The following NID1 variants were observed in gnomAD, a reference collection of about 807,000 sequenced individuals.
NID1 encodes the protein nidogen-1.
A neutral mutation model predicts 130.6 loss-of-function variants in NID1; 76 were observed. The ratio of observed to expected loss-of-function variants is 0.58; its 90% CI spans 0.48 to 0.70. NID1 has a LOEUF of 0.70. Among genes scored for constraint, NID1 ranks in the 30% least tolerant of loss-of-function variants. The probability of loss-of-function intolerance (pLI) is 0.00; values close to 1 mark genes in which losing one functional copy is unlikely to be tolerated. For missense variants in NID1, 1,517 were observed against 1,664.8 expected, an observed-to-expected ratio of 0.91 and a Z score of 1.54; for synonymous variants, 665 against 675.1, an observed-to-expected ratio of 0.98 and a Z score of 0.23.
At chr1:236,046,239 C>A (rs1045117945) in intron 2 of NID1, among the ~76,000 whole-genome samples, 1 of 152,112 alleles carries the variant, frequency 6.6e-6, no homozygotes, top group African/African-American at 2.4e-5. Flanking sequence ...GAGATAAAAC[C>A]ACCTCCTTCA....
chr1:236,051,368 C>G (rs911419410), intron 1 of NID1, among the ~76,000 whole-genome samples: 1 of 150,496 alleles, frequency 6.6e-6, no homozygotes, highest in South Asian at 2.1e-4. Flanking sequence ...AAGAGAGGAA[C>G]TAAAGACCAA....
At chr1:235,999,600 A>G (rs1211811083) in intron 12 of NID1, among the ~76,000 whole-genome samples, 2 of 152,114 alleles carry the variant, frequency 1.3e-5, no homozygotes, top group African/African-American at 4.8e-5. Flanking sequence ...TGGTTGATAC[A>G]TTGATGACTC....
rs573512686 is a variant in NID1 at position 236,041,995 on chromosome 1, G to A, written c.1050C>T (p.Thr350=). The change falls in exon 4 of 20, where the codon ACC becomes ACT. Residue 350 remains threonine, a synonymous_variant. Transcript: ENST00000264187. ...TCTCCACTGCCAACTGGAAAGACCT[G>A]GTTCTCTCTGTGGGAGGTCCAAGGG... ...ERPLGPPTER[T]RSFQLAVETF... is the part of the protein sequence containing the mutation. The A allele has an allele frequency of 6.2e-7, 1 of 1,614,176 alleles. No individual in the cohort carries two copies. Among genetic ancestry groups the A allele is most frequent in the East Asian group, 2.2e-5 (1 of 44,876 alleles).
Position 236,059,824 on chromosome 1 carries a change from G to T in NID1, c.225+5031C>A, listed in dbSNP as rs192123293. ...AGTAAAGGAATAAAGAACAGCAGCC[G>T]GGCGTGGTGGCTCACGCCTGTAATC... On this transcript the variant is annotated intron_variant, in intron 1 of 19. Coordinates refer to ENST00000264187, the MANE Select transcript of NID1 (RefSeq NM_002508.3). Among the ~76,000 whole-genome samples the T allele has an allele frequency of 7.9e-5, 12 of 152,250 alleles. No homozygotes were observed. The East Asian group carries it at 1.9e-3, about 24-fold the overall frequency.
intron 1 of NID1, among the ~76,000 whole-genome samples, chr1:236,057,385 T>A (rs1659923522): frequency 6.6e-6 from 1 of 152,154 alleles, no homozygotes. Context: ...CTCCATGGTG[T>A]CTCTCCTAGT....
intron 3 of NID1, among the ~76,000 whole-genome samples, chr1:236,044,379 G>A (rs4006677): frequency 0.49 from 74,893 of 152,010 alleles, 19,148 homozygotes; most frequent in East Asian, 0.68. Context: ...TAATCCTTTT[G>A]CTACTGTCCA....
chr1:236,038,090 GA>G lies in NID1; in HGVS notation c.1285+13del. The G allele has an allele frequency of 6.3e-7, 1 of 1,587,294 alleles. No individual in the cohort carries two copies. The highest frequency in any genetic ancestry group is 8.6e-7 in the Non-Finnish European group (1 of 1,161,098). On this transcript the variant is annotated intron_variant, in intron 5 of 19. Transcript: ENST00000264187. ...CCTTCTCCCGCATGAAACGAACATA[GA>G]AAAGCAAATTACCTTCTGCAACACA...
intron 10 of NID1, among the ~76,000 whole-genome samples, chr1:236,014,480 T>C (rs932873635): frequency 3.4e-4 from 51 of 151,906 alleles, no homozygotes; most frequent in Non-Finnish European, 3.1e-4. Flanking sequence ...CAGCTGAAAA[T>C]CACCCTGTAG....
At chr1:235,999,569 C>T (rs1037451982) in intron 12 of NID1, among the ~76,000 whole-genome samples, 1 of 151,862 alleles carries the variant, frequency 6.6e-6, no homozygotes, top group Non-Finnish European at 1.5e-5. Flanking sequence ...ATGCTAAAGA[C>T]GCATTTCCTG....
At chr1:235,990,845 G>A (rs893526700) in intron 14 of NID1, 41 bp downstream of exon 14, 8 of 1,609,002 alleles carry the variant, frequency 5.0e-6, no homozygotes, top group Middle Eastern at 1.6e-4. Flanking sequence ...CCAGGTCACT[G>A]AAGCAGGAGC....
At position 235,997,734 on chromosome 1, in the gene NID1, G is replaced by A. The variant is rs1003909908; in HGVS notation, c.2528-3862C>T. Among the ~76,000 whole-genome samples, 5 of 151,856 alleles carry A rather than the reference G, an allele frequency of 3.3e-5. No individual in the cohort carries two copies. In the South Asian group the frequency reaches 6.2e-4, roughly 19 times the overall value. On this transcript the variant is annotated intron_variant, in intron 12 of 19. Transcript: ENST00000264187. ...CAGTTCTCCTGTCTCAGCCTCCTGA[G>A]TAGCTGAGACTACAGGTGCCCACCA...
Position 235,979,762 on chromosome 1 carries a change from C to G in NID1, c.3509+60G>C. ...AGGCCAGATGGGAAGGGCCTGGCCT[C>G]CCAGAGACAGTGGGTGGAGGGGCAG... is the stretch of plus-strand genomic sequence containing the variant. On this transcript the variant is annotated intron_variant, in intron 18 of 19. Coordinates refer to ENST00000264187, the MANE Select transcript of NID1 (RefSeq NM_002508.3). This position sits in a 1 kb window ranked among gnomAD's most constrained non-coding sequence, Gnocchi z 4.6. 6.3e-7 allele frequency: 1 copy of G among 1,599,970 alleles called. No individual in the cohort carries two copies. Among genetic ancestry groups the G allele is most frequent in the African/African-American group, 1.3e-5 (1 of 74,692 alleles).
chr1:236,059,758 T>C (rs1285489789), intron 1 of NID1, among the ~76,000 whole-genome samples: 1 of 152,126 alleles, frequency 6.6e-6, no homozygotes, highest in Admixed American at 6.5e-5. Context: ...CAAGAAAGAA[T>C]TCAGGGCAAG....
chr1:236,027,245 G>GT (rs201264892), intron 7 of NID1, among the ~76,000 whole-genome samples: 8 of 151,830 alleles, frequency 5.3e-5, no homozygotes, highest in South Asian at 2.1e-4. Context: ...TCAACTTCCT[G>GT]TTTTTTTAAA....
At chr1:236,052,581 T>G (rs1171059206) in intron 1 of NID1, among the ~76,000 whole-genome samples, 1 of 152,226 alleles carries the variant, frequency 6.6e-6, no homozygotes, top group African/African-American at 2.4e-5. Flanking sequence ...CATTCAACGT[T>G]GTTTTGTTAT....
At chr1:235,991,100 C>T in intron 13 of NID1, 42 bp from the exon 14 acceptor site, 1 of 1,496,276 alleles carries the variant, frequency 6.7e-7, no homozygotes, top group Non-Finnish European at 9.0e-7. Flanking sequence ...CCGTGTGCAC[C>T]AGGAACACAC....
intron 12 of NID1, among the ~76,000 whole-genome samples, chr1:235,996,918 T>A (rs984022616): frequency 6.6e-6 from 1 of 152,112 alleles, no homozygotes; most frequent in Admixed American, 6.6e-5. Context: ...CACTGCAAAC[T>A]CTGCCTCCCG....
intron 12 of NID1, among the ~76,000 whole-genome samples, chr1:235,995,992 A>G (rs756296204): frequency 2.0e-5 from 3 of 152,132 alleles, no homozygotes; most frequent in Admixed American, 6.5e-5. Context: ...CTATATCTAT[A>G]AAAAATAAAA....
At chr1:236,019,794 C>G (rs970779485) in intron 9 of NID1, among the ~76,000 whole-genome samples, 34 of 152,146 alleles carry the variant, frequency 2.2e-4, no homozygotes, top group Admixed American at 1.8e-3. Flanking sequence ...GTAACCCCAG[C>G]ACTCTGGGAG....
Sources: allele counts gnomAD v4.1 joint callset (sites outside exome capture counted in the v4.1 genomes callset), GRCh38; gene constraint gnomAD v4.1.1; non-coding constraint Gnocchi (gnomAD v3.1); transcripts MANE v1.5; gene names NCBI Gene and HGNC (gene_info 2026-07-23, HGNC 2026-07-21).